CRB2: variants seen among roughly 807,000 people sequenced by gnomAD.
CRB2 encodes the protein crumbs cell polarity complex component 2.
In CRB2, 85 loss-of-function variants were observed where a neutral mutation model predicts 110.9. That is an observed-to-expected ratio of 0.77 (90% confidence interval 0.64 to 0.92). The LOEUF is 0.92. Ranked by LOEUF, CRB2 falls within the 40% of genes least tolerant of loss-of-function variation. CRB2 has a pLI of 0.00. For missense variants in CRB2, 1,843 were observed against 1,851.3 expected (o/e 1.00, Z 0.08); for synonymous variants, 907 against 831.0 (o/e 1.09, Z -1.57).
intron 1 of CRB2, among the ~76,000 whole-genome samples, chr9:123,360,825 C>G (rs539681127): frequency 1.3e-5 from 2 of 152,280 alleles, no homozygotes; most frequent in East Asian, 3.9e-4. Context: ...ATGCCAAGAT[C>G]AACTGAGATG....
At chr9:123,374,007 C>T (rs764973477) in intron 10 of CRB2, 87 bp downstream of exon 10, 245 of 1,486,236 alleles carry the variant, frequency 1.6e-4, no homozygotes, top group Non-Finnish European at 2.0e-4. Flanking sequence ...GTGGATGAGT[C>T]GCTTCCCTTC....
chr9:123,370,727 G>A lies in CRB2; in HGVS notation c.1674G>A (p.Ser558=), dbSNP rs1178422916. ...CTGTGGCCCTGGCTTCCACGGCTTC[G>A]GCAACTCCGCTGCCTGCCGGGATCT... The part of the protein sequence containing the change: ...SGPVALASTA[S]ATPLPAGISS... Residue 558 remains serine (S), a synonymous_variant, in exon 7 of 13, where the codon TCG becomes TCA. Coordinates refer to ENST00000373631, the MANE Select transcript of CRB2 (RefSeq NM_173689.7). The A allele has an allele frequency of 1.1e-5, 18 of 1,603,590 alleles. No homozygotes were observed. Among genetic ancestry groups the A allele is most frequent in the Middle Eastern group, 1.6e-4 (1 of 6,082 alleles).
At chr9:123,378,798 G>GTTTTTTTTTTTTTTTTTTTTTTTTTTTTT (rs1013946696), downstream of CRB2, 24 of 71,718 alleles carry the variant, frequency 3.3e-4, 9 homozygotes, top group East Asian at 2.4e-3. Context: ...TCGGGTGCCT[G>GTTTTTTTTTTTTTTTTTTTTTTTTTTTTT]TTTTTTGTTT....
Position 123,373,171 on chromosome 9 carries a change from C to T in CRB2, c.2640C>T (p.Ala880=), listed in dbSNP as rs2042041534. ...AEATFREGPP[A]AFSGHNASSG... ...CCACGTTCCGCGAGGGTCCCCCCGC[C>T]GCGTTCAGCGGGCACAACGCGTCGT... The change falls in exon 10 of 13, where the codon GCC becomes GCT. Residue 880 remains alanine (A), a synonymous_variant. Coordinates refer to ENST00000373631, the MANE Select transcript of CRB2 (RefSeq NM_173689.7). 21 of 1,513,958 alleles carry T rather than the reference C, an allele frequency of 1.4e-5. No homozygotes were observed. The highest frequency in any genetic ancestry group is 1.2e-4 in the South Asian group (10 of 82,610). 93.8% of individuals were successfully genotyped at this position (1,513,958 alleles called of 1,614,324 possible).
chr9:123,365,765 A>C (rs1029791849), intron 2 of CRB2, 152 bp from the exon 3 acceptor site: 2 of 656,684 alleles, frequency 3.0e-6, no homozygotes, highest in Non-Finnish European at 4.8e-6. Flanking sequence ...TGCTGGCATG[A>C]CCCGTCCCCC....
Position 123,370,588 on chromosome 9 carries a change from T to C in CRB2, c.1535T>C (p.Leu512Pro). The change falls in exon 7 of 13, where the codon CTG (leucine) becomes CCG (proline). Residue 512 changes from leucine to proline, a missense_variant. Physicochemically the swap from Leu to Pro is moderately conservative, Grantham distance 98 (BLOSUM62 -3). Coordinates refer to ENST00000373631, the MANE Select transcript of CRB2 (RefSeq NM_173689.7). ...GTGCTTGTCCTGAGACTGCCGGACC[T>C]GGCCCTAAACGATGGCCATTGGCAC... ...TTVLVLRLPD[L>P]ALNDGHWHQV... 1 of 1,613,238 alleles carries C rather than the reference T, an allele frequency of 6.2e-7. No homozygotes were observed. Among genetic ancestry groups the C allele is most frequent in the Non-Finnish European group, 8.5e-7 (1 of 1,180,030 alleles).
intron 6 of CRB2, 98 bp downstream of exon 6, chr9:123,367,784 A>C: frequency 1.2e-6 from 1 of 818,158 alleles, no homozygotes; most frequent in Non-Finnish European, 2.0e-6. Flanking sequence ...GGGGTCAAGG[A>C]GATCAGGGAG....
chr9:123,368,988 G>A, intron 6 of CRB2: 2 of 1,176,824 alleles, frequency 1.7e-6, no homozygotes, highest in Non-Finnish European at 2.1e-6. Flanking sequence ...AGGTTGGTGG[G>A]TGGTGGTTCC....
intron 4 of CRB2, among the ~76,000 whole-genome samples, chr9:123,366,591 C>T (rs1211973509): frequency 6.6e-6 from 1 of 152,124 alleles, no homozygotes; most frequent in Non-Finnish European, 1.5e-5. Flanking sequence ...CTCGAAGGTG[C>T]GACGCCTGGG....
At position 123,367,547 on chromosome 9, in the gene CRB2, G is replaced by A. The variant is rs778770410; in HGVS notation, c.941-26G>A. Reference sequence around the variant, plus strand: ...CCTGCCTGGCTCTGAGGGTGCAGGTGGGACCCACAGCTGGGCCTCTTACAG... The same window carrying A: ...CCTGCCTGGCTCTGAGGGTGCAGGTAGGACCCACAGCTGGGCCTCTTACAG... On this transcript the variant is annotated intron_variant, in intron 5 of 12. Coordinates refer to ENST00000373631, the MANE Select transcript of CRB2 (RefSeq NM_173689.7). 6.5e-6 allele frequency: 10 copies of A among 1,532,250 alleles called. No individual in the cohort carries two copies. In the South Asian group the frequency reaches 1.2e-4, roughly 18 times the overall value. The allele number at this position is 1,532,250 out of a possible 1,614,324, so 94.9% of individuals were successfully genotyped here. A position where few individuals can be genotyped will look rare whatever the true frequency, so the allele number is the denominator to read the frequency against.
At chr9:123,365,590 G>A (rs1031271658) in intron 2 of CRB2, among the ~76,000 whole-genome samples, 3 of 152,134 alleles carry the variant, frequency 2.0e-5, no homozygotes, top group Admixed American at 6.5e-5. Context: ...AGCAGACCCC[G>A]GCTATTGCTT....
chr9:123,354,184 G>A (rs2041775239), upstream of CRB2, among the ~76,000 whole-genome samples: 1 of 152,350 alleles, frequency 6.6e-6, no homozygotes. Context: ...GCTGTCGGGG[G>A]AGCCCCCCTC....
chr9:123,356,305 C>G lies in CRB2; in HGVS notation c.45C>G (p.Ala15=), dbSNP rs1398655910. 6.5e-7 allele frequency: 1 copy of G among 1,546,702 alleles called. No homozygotes were observed. Among genetic ancestry groups the G allele is most frequent in the Non-Finnish European group, 8.7e-7 (1 of 1,145,984 alleles). ...GGACCCCGGACCCCCAGGCCCTGGC[C>G]TCTGTCCTGCTACTGCTGCTCTGGG... ...RPGTPDPQAL[A]SVLLLLLWAP... Residue 15 remains alanine, a synonymous_variant, in exon 1 of 13, where the codon GCC becomes GCG. Coordinates refer to ENST00000373631, the MANE Select transcript of CRB2 (RefSeq NM_173689.7).
chr9:123,373,375 G>A lies in CRB2; in HGVS notation c.2844G>A (p.Gly948=). The part of the protein sequence containing the change: ...GLPGAVLPIP[G]PRVADGAWHR... ...CCGGCGCTGTGCTGCCCATACCGGG[G>A]CCGCGCGTGGCCGATGGTGCCTGGC... Residue 948 remains glycine, a synonymous_variant, in exon 10 of 13, where the codon GGG becomes GGA. Transcript: ENST00000373631. The A allele has an allele frequency of 2.1e-6, 3 of 1,431,708 alleles. No homozygotes were observed. The highest frequency in any genetic ancestry group is 2.7e-6 in the Non-Finnish European group (3 of 1,099,290). 88.7% of individuals were successfully genotyped at this position (1,431,708 alleles called of 1,614,324 possible).
rs762837934 is a variant in CRB2, at chr9:123,376,921, G to A, written c.3717G>A (p.Leu1239=). ...GTGCCTGCCTCCTCCTCCTCCTCCT[G>A]GGCCTCCTTTCAGGGATCCTGGCAG... is the stretch of plus-strand genomic sequence containing the variant. The part of the protein sequence containing the change: ...AACACLLLLL[L]GLLSGILAAR... The change falls in exon 13 of 13, where the codon CTG becomes CTA. Residue 1239 remains leucine (L), a synonymous_variant. Transcript: ENST00000373631. 6.2e-7 allele frequency: 1 copy of A among 1,608,458 alleles called. No homozygotes were observed. The highest frequency in any genetic ancestry group is 8.5e-7 in the Non-Finnish European group (1 of 1,178,572).
At chr9:123,369,037 G>A in intron 6 of CRB2, 2 of 995,040 alleles carry the variant, frequency 2.0e-6, no homozygotes, top group Non-Finnish European at 2.5e-6. Context: ...GATCGAGGCT[G>A]GGCTTCAAAC....
chr9:123,373,548 T>A lies in CRB2; in HGVS notation c.3017T>A (p.Leu1006Gln). ...LQGPGAVRIL[L>Q]AENFTGCLGR... is the part of the protein sequence containing the mutation. ...GGCCCGGGTGCTGTGCGCATCCTGC[T>A]GGCTGAGAACTTCACCGGCTGCTTG... The change falls in exon 10 of 13, where the codon CTG (leucine) becomes CAG (glutamine). Residue 1006 changes from leucine to glutamine, a missense_variant. Transcript: ENST00000373631. 6.7e-7 allele frequency: 1 copy of A among 1,487,808 alleles called. No individual in the cohort carries two copies. The highest frequency in any genetic ancestry group is 8.9e-7 in the Non-Finnish European group (1 of 1,123,834). 92.2% of individuals were successfully genotyped at this position (1,487,808 alleles called of 1,614,324 possible). A position where few individuals can be genotyped will look rare whatever the true frequency, so the allele number is the denominator to read the frequency against.
chr9:123,367,763 T>A, intron 6 of CRB2, 77 bp downstream of exon 6: 1 of 955,284 alleles, frequency 1.0e-6, no homozygotes, highest in Non-Finnish European at 1.6e-6. Context: ...TGTCTGGATG[T>A]GTGGATTGAT....
In CRB2 at chr9:123,370,777, C is replaced by T. The variant is rs111594423; in HGVS notation, c.1724C>T (p.Thr575Ile). 6.9e-6 allele frequency: 11 copies of T among 1,602,780 alleles called. No homozygotes were observed. The highest frequency in any genetic ancestry group is 3.3e-5 in the Admixed American group (2 of 60,004). Residue 575 changes from threonine (T) to isoleucine (I), a missense_variant, in exon 7 of 13, where the codon ACC becomes ATC. Thr to Ile is a moderately conservative substitution (Grantham distance 89, BLOSUM62 -1). Transcript: ENST00000373631. ...TCCTCTGCCCAGCTGGGGGACGCGA[C>T]CTTTGCAGGCTGCCTCCAGGACGTG... ...GISSAQLGDA[T>I]FAGCLQDVRV...
Sources: allele counts gnomAD v4.1 joint callset (sites outside exome capture counted in the v4.1 genomes callset), GRCh38; gene constraint gnomAD v4.1.1; transcripts MANE v1.5; gene names NCBI Gene and HGNC (gene_info 2026-07-23, HGNC 2026-07-21).